PDE12: variants seen among roughly 807,000 people sequenced by gnomAD.
PDE12 encodes phosphodiesterase 12.
In PDE12, 26 loss-of-function variants were observed where a neutral mutation model predicts 45.4. The observed-to-expected ratio is 0.57, with a 90% CI of 0.42 to 0.79. The LOEUF (loss-of-function observed/expected upper bound fraction) is 0.79. PDE12 is among the 30% of genes least tolerant of loss of function. The pLI is 0.00. For synonymous variants in PDE12, 283 were observed against 323.9 expected, an observed-to-expected ratio of 0.87 and a Z score of 1.36; for missense variants, 668 against 790.0, an observed-to-expected ratio of 0.85 and a Z score of 1.85.
chr3:57,591,065 AC>A, the PDE12 span, among the ~76,000 whole-genome samples: 1 of 152,194 alleles, frequency 6.6e-6, no homozygotes, highest in Non-Finnish European at 1.5e-5. Flanking sequence ...AAACAGAAGA[AC>A]AGATATTTAA....
chr3:57,559,769 T>C lies in PDE12; in HGVS notation c.1595T>C (p.Met532Thr), dbSNP rs774588387. 3.7e-6 allele frequency: 6 copies of C among 1,614,214 alleles called. No homozygotes were observed. The highest frequency in any genetic ancestry group is 5.1e-6 in the Non-Finnish European group (6 of 1,180,036). Reference sequence around the variant, plus strand: ...AATGGGGAGGAGGAAAGATGCAATATGTCTCTTACACATTTCTTCAAGCTG... The same window carrying C: ...AATGGGGAGGAGGAAAGATGCAATACGTCTCTTACACATTTCTTCAAGCTG... ...ASNGEEERCN[M>T]SLTHFFKLKS... Residue 532 changes from methionine to threonine, a missense_variant, in exon 3 of 3, where the codon ATG (methionine) becomes ACG (threonine). Around this residue, in one of 3 missense-constraint regions of PDE12, gnomAD observed 79 missense variants for 97.9 expected, o/e 0.81. Transcript: ENST00000311180.
chr3:57,581,267 G>C, the PDE12 span, among the ~76,000 whole-genome samples: 2 of 152,138 alleles, frequency 1.3e-5, no homozygotes, highest in Non-Finnish European at 2.9e-5. Context: ...GCTTAGCTTT[G>C]ATTCTATCAG....
chr3:57,592,685 C>A, the PDE12 span, among the ~76,000 whole-genome samples: 2 of 152,156 alleles, frequency 1.3e-5, no homozygotes, highest in African/African-American at 2.4e-5. Flanking sequence ...CAAAAGGGTG[C>A]ATCTAAGGAT....
the PDE12 span, among the ~76,000 whole-genome samples, chr3:57,619,186 A>G: frequency 6.6e-6 from 1 of 151,906 alleles, no homozygotes; most frequent in Admixed American, 6.6e-5. Flanking sequence ...GTCTTTACTA[A>G]AAATACAAAA....
chr3:57,646,287 A>C, the PDE12 span: 68 of 1,585,260 alleles, frequency 4.3e-5, no homozygotes, highest in East Asian at 1.2e-3. Context: ...CAAAAAAAAA[A>C]CCCAGAAATA....
At chr3:57,574,941 TG>T in the PDE12 span, among the ~76,000 whole-genome samples, 1 of 151,970 alleles carries the variant, frequency 6.6e-6, no homozygotes, top group Non-Finnish European at 1.5e-5. Context: ...CTCCACCTCC[TG>T]GGTTCAAGTG....
the PDE12 span, chr3:57,575,738 T>C: frequency 4.0e-6 from 6 of 1,493,838 alleles, no homozygotes; most frequent in Non-Finnish European, 5.4e-6. Context: ...AATGTCTTCC[T>C]ATATATACTT....
At chr3:57,616,468 AAG>A in the PDE12 span, among the ~76,000 whole-genome samples, 5 of 149,320 alleles carry the variant, frequency 3.3e-5, no homozygotes, top group African/African-American at 1.3e-4. Flanking sequence ...GAGGAGGAGA[AAG>A]AAGGAAGAAG....
the PDE12 span, chr3:57,597,445 G>A: frequency 4.1e-6 from 1 of 245,690 alleles, no homozygotes; most frequent in Non-Finnish European, 8.0e-6. Context: ...AACGCGGACA[G>A]AATCGCGTCA....
At chr3:57,601,460 A>G in the PDE12 span, among the ~76,000 whole-genome samples, 1 of 152,176 alleles carries the variant, frequency 6.6e-6, no homozygotes, top group South Asian at 2.1e-4. Context: ...TGTATATGGA[A>G]TTTACATTCC....
In PDE12 at chr3:57,556,469, A is replaced by G. The variant is rs1215888362; in HGVS notation, c.90A>G (p.Thr30=). The G allele has an allele frequency of 6.2e-7, 1 of 1,611,438 alleles. No homozygotes were observed. The highest frequency in any genetic ancestry group is 8.5e-7 in the Non-Finnish European group (1 of 1,178,894). Residue 30 remains threonine, a synonymous_variant, in exon 1 of 3, where the codon ACA becomes ACG. Transcript: ENST00000311180. The surrounding 1 kb of genome is among the most constrained non-coding windows in gnomAD (Gnocchi z 5.0). ...GCCGGGCTGAAGCGGGGAGCCAGAC[A>G]GCGGCGGGAGCGATGGAGCGCGCTG... ...KLSRAEAGSQ[T]AAGAMERAVV...
the PDE12 span, among the ~76,000 whole-genome samples, chr3:57,647,555 C>T: frequency 6.6e-6 from 1 of 152,142 alleles, no homozygotes; most frequent in Non-Finnish European, 1.5e-5. Context: ...TTTCAGTTCA[C>T]AGAGCCCAGG....
In PDE12 at chr3:57,562,100, A is replaced by C; in HGVS notation, c.*2096A>C. 4 of 982,240 alleles carry C rather than the reference A, an allele frequency of 4.1e-6. No homozygotes were observed. Among genetic ancestry groups the C allele is most frequent in the Non-Finnish European group, 4.8e-6 (4 of 827,036 alleles). 60.8% of individuals were successfully genotyped at this position (982,240 alleles called of 1,614,324 possible). A position where few individuals can be genotyped will look rare whatever the true frequency, so the allele number is the denominator to read the frequency against. On this transcript the variant is annotated 3_prime_UTR_variant, in exon 3 of 3. Coordinates refer to ENST00000311180, the MANE Select transcript of PDE12 (RefSeq NM_177966.7). ...ATGTTTTTGGGCTGTTTTCAAAGAA[A>C]GATGTTGATAGAACCCTTAGAGTGA...
At chr3:57,583,006 A>G in the PDE12 span, among the ~76,000 whole-genome samples, 5 of 152,200 alleles carry the variant, frequency 3.3e-5, no homozygotes, top group Admixed American at 1.3e-4. Context: ...GGCAGCTGCT[A>G]TTGCCATCTA....
the PDE12 span, among the ~76,000 whole-genome samples, chr3:57,587,531 T>TA: frequency 6.6e-6 from 1 of 152,026 alleles, no homozygotes; most frequent in Admixed American, 6.6e-5. Context: ...AATTTTTTTT[T>TA]ACCCAAAAAT....
the PDE12 span, among the ~76,000 whole-genome samples, chr3:57,613,917 A>AAAAG: frequency 1.3e-5 from 2 of 150,528 alleles, no homozygotes; most frequent in African/African-American, 4.9e-5. Flanking sequence ...AAAAAAAAAA[A>AAAAG]AAAAAAGAAA....
At chr3:57,610,305 T>C in the PDE12 span, among the ~76,000 whole-genome samples, 1 of 152,156 alleles carries the variant, frequency 6.6e-6, no homozygotes, top group East Asian at 1.9e-4. Context: ...ACTGGAAGCA[T>C]TCCCTTTGAA....
rs1340833043 is a variant in PDE12 at position 57,566,845 on chromosome 3, A to G, written c.*6841A>G. The G allele has an allele frequency of 6.6e-6, 1 of 152,098 alleles. No homozygotes were observed. The highest frequency in any genetic ancestry group is 2.4e-5 in the African/African-American group (1 of 41,428). 9.4% of individuals were successfully genotyped at this position (152,098 alleles called of 1,614,324 possible). ...TAAAAAATAAATAATATAATAATCC[A>G]TCATCCCTTGCCTTTTCAGGACCAT... On this transcript the variant is annotated 3_prime_UTR_variant, in exon 3 of 3. Coordinates refer to ENST00000311180, the MANE Select transcript of PDE12 (RefSeq NM_177966.7).
rs758957256 is a variant in PDE12 at position 57,557,683 on chromosome 3, T to C, written c.1304T>C (p.Leu435Pro). Residue 435 changes from leucine (L) to proline (P), a missense_variant, in exon 1 of 3, where the codon CTT (leucine) becomes CCT (proline). Coordinates refer to ENST00000311180, the MANE Select transcript of PDE12 (RefSeq NM_177966.7). ...QEKVLQRSSVLQVSVLQSTKD... is the reference protein window; with the variant it reads ...QEKVLQRSSVPQVSVLQSTKD... The stretch of plus-strand genomic sequence containing the variant: ...AAGGTGCTCCAGAGATCTTCTGTTC[T>C]TCAGGTAAAGTAGTTCCGCCCGTCT... The C allele has an allele frequency of 2.5e-6, 4 of 1,613,212 alleles. No individual in the cohort carries two copies. Among genetic ancestry groups the C allele is most frequent in the Non-Finnish European group, 3.4e-6 (4 of 1,179,456 alleles).
Sources: gnomAD v4.1 joint callset for allele counts (sites outside exome capture counted in the v4.1 genomes callset) on GRCh38, gnomAD v4.1.1 for gene constraint, gnomAD v4.1.1 regional missense constraint, Gnocchi (gnomAD v3.1) non-coding constraint, MANE v1.5 for transcripts, NCBI Gene and HGNC (gene_info 2026-07-23, HGNC 2026-07-21) for gene names.